The following DNAH17 variants were observed in gnomAD, a reference collection of about 807,000 sequenced individuals.
The protein encoded by DNAH17 is axonemal beta dynein heavy chain 17.
In DNAH17, 376 loss-of-function variants were observed where a neutral mutation model predicts 485.6. The ratio of observed to expected loss-of-function variants is 0.77; its 90% CI spans 0.71 to 0.84. The LOEUF (loss-of-function observed/expected upper bound fraction) is 0.84. DNAH17 is among the 40% of genes least tolerant of loss of function. The pLI is 0.00. For missense variants in DNAH17, 6,370 were observed against 5,839.3 expected (o/e 1.09, Z -2.96); for synonymous variants, 3,031 against 2,405.9 (o/e 1.26, Z -7.60).
intron 26 of DNAH17, among the ~76,000 whole-genome samples, chr17:78,510,864 G>A (rs1348986322): frequency 6.6e-6 from 1 of 152,144 alleles, no homozygotes; most frequent in African/African-American, 2.4e-5. Context: ...ATTTTCCGGT[G>A]AGACATAAAT....
At position 78,429,197 on chromosome 17, in the gene DNAH17, T is replaced by C; in HGVS notation, c.12329A>G (p.Tyr4110Cys). ...TCCCTCCAGCATCTCCGTCCGGATG[T>C]ATTCAGCCAGGTAGGTCCTGCACAG... ...RRLCRTYLAEYIRTEMLEGDV... is the reference protein window; with the variant it reads ...RRLCRTYLAECIRTEMLEGDV... Residue 4110 changes from tyrosine (Y) to cysteine (C), a missense_variant, in exon 76 of 81, where the codon TAC (tyrosine) becomes TGC (cysteine). Tyr to Cys is a radical substitution (Grantham distance 194, BLOSUM62 -2). Coordinates refer to ENST00000389840, the MANE Select transcript of DNAH17 (RefSeq NM_173628.4). The C allele has an allele frequency of 3.1e-6, 5 of 1,613,842 alleles. No individual in the cohort carries two copies. The highest frequency in any genetic ancestry group is 4.2e-6 in the Non-Finnish European group (5 of 1,179,876).
intron 11 of DNAH17, among the ~76,000 whole-genome samples, chr17:78,564,073 G>A (rs1459742196): frequency 3.3e-5 from 5 of 152,126 alleles, no homozygotes; most frequent in East Asian, 1.9e-4. Flanking sequence ...TTTGTTCCTC[G>A]CTAGCTCCAT....
chr17:78,468,773 G>C lies in DNAH17; in HGVS notation c.8622C>G (p.Asp2874Glu), dbSNP rs924937144. Residue 2874 changes from aspartate to glutamate, a missense_variant, in exon 55 of 81, where the codon GAC becomes GAG. Coordinates refer to ENST00000389840, the MANE Select transcript of DNAH17 (RefSeq NM_173628.4). ...CAGGGATCTCTCCTGAGGCCAGCAG[G>C]TCATTGATCAGCACCAGAAACTGCT... Reference protein sequence around the residue: ...AEEQFLVLINDLLASGEIPGL... With the variant: ...AEEQFLVLINELLASGEIPGL... 1 of 1,614,026 alleles carries C rather than the reference G, an allele frequency of 6.2e-7. No homozygotes were observed. Among genetic ancestry groups the C allele is most frequent in the Non-Finnish European group, 8.5e-7 (1 of 1,179,896 alleles).
At position 78,530,523 on chromosome 17, in the gene DNAH17, C is replaced by T. The variant is rs370930253; in HGVS notation, c.3115-11G>A. 15 of 1,593,252 alleles carry T rather than the reference C, an allele frequency of 9.4e-6. No homozygotes were observed. Among genetic ancestry groups the T allele is most frequent in the Middle Eastern group, 1.7e-4 (1 of 6,006 alleles). ...CTCGTAGGAGTCGATCTGGAAAACA[C>T]GGCCACCGGCGGCCTGTCATAGCCT... On this transcript the variant is annotated splice_polypyrimidine_tract_variant and intron_variant, in intron 20 of 80. Coordinates refer to ENST00000389840, the MANE Select transcript of DNAH17 (RefSeq NM_173628.4).
At chr17:78,523,216 C>T (rs757411156) in intron 25 of DNAH17, among the ~76,000 whole-genome samples, 10 of 151,778 alleles carry the variant, frequency 6.6e-5, no homozygotes, top group Non-Finnish European at 1.0e-4. Flanking sequence ...AGTGTGATGG[C>T]GAGATCTTGG....
At chr17:78,465,449 G>A (rs917860328) in intron 56 of DNAH17, among the ~76,000 whole-genome samples, 1 of 145,114 alleles carries the variant, frequency 6.9e-6, no homozygotes, top group Non-Finnish European at 1.5e-5. Flanking sequence ...AGTGAGGAGC[G>A]TCTCCGCCCG....
intron 14 of DNAH17, among the ~76,000 whole-genome samples, chr17:78,555,861 C>T (rs915801668): frequency 6.6e-6 from 1 of 152,212 alleles, no homozygotes; most frequent in Non-Finnish European, 1.5e-5. Context: ...GAATTCACCC[C>T]TTGTTTCTGC....
chr17:78,568,978 G>A (rs1254446052), intron 9 of DNAH17, among the ~76,000 whole-genome samples, 188 bp downstream of exon 9: 2 of 152,076 alleles, frequency 1.3e-5, no homozygotes, highest in Non-Finnish European at 2.9e-5. Context: ...TTTTATTCTT[G>A]GCTAACAGCT....
At position 78,423,815 on chromosome 17, in the gene DNAH17, A is replaced by C. The variant is rs956448686; in HGVS notation, c.*91T>G. On this transcript the variant is annotated 3_prime_UTR_variant, in exon 81 of 81. Coordinates refer to ENST00000389840, the MANE Select transcript of DNAH17 (RefSeq NM_173628.4). ...TTTAAGAGAACGAAAAACCACCACC[A>C]GTTCCTGTAAAGAATAAGTCACAGG... 2.7e-6 allele frequency: 4 copies of C among 1,481,692 alleles called. No homozygotes were observed. The highest frequency in any genetic ancestry group is 1.9e-5 in the Admixed American group (1 of 51,930). 91.8% of individuals were successfully genotyped at this position (1,481,692 alleles called of 1,614,324 possible).
chr17:78,434,345 CA>C, intron 74 of DNAH17, 125 bp from the exon 75 acceptor site: 1 of 865,530 alleles, frequency 1.2e-6, no homozygotes, highest in Non-Finnish European at 1.7e-6. Flanking sequence ...GTGGGGGGTA[CA>C]AAGCTGTGGG....
chr17:78,513,627 G>A (rs1365755780), intron 26 of DNAH17, among the ~76,000 whole-genome samples: 2 of 152,092 alleles, frequency 1.3e-5, no homozygotes, highest in African/African-American at 4.8e-5. Flanking sequence ...GCAGGGATGG[G>A]GTTTCACCAT....
chr17:78,480,801 C>T lies in DNAH17; in HGVS notation c.7650-15G>A, dbSNP rs370949526. On this transcript the variant is annotated splice_polypyrimidine_tract_variant and intron_variant, in intron 48 of 80. Coordinates refer to ENST00000389840, the MANE Select transcript of DNAH17 (RefSeq NM_173628.4). The stretch of plus-strand genomic sequence containing the variant: ...GTCTGTCATACCTGAGGGGGGAAAC[C>T]AGCATTCATGTTGTGCCCCTGGCCT... The T allele has an allele frequency of 9.4e-5, 150 of 1,597,270 alleles. No homozygotes were observed. Among genetic ancestry groups the T allele is most frequent in the Admixed American group, 1.7e-4 (10 of 58,934 alleles).
In DNAH17 at chr17:78,434,219, T is replaced by A; in HGVS notation, c.12035A>T (p.Asp4012Val). 2 of 1,602,708 alleles carry A rather than the reference T, an allele frequency of 1.2e-6. No individual in the cohort carries two copies. Among genetic ancestry groups the A allele is most frequent in the Non-Finnish European group, 1.7e-6 (2 of 1,171,522 alleles). Residue 4012 changes from aspartate (D) to valine (V), a missense_variant and splice_region_variant, in exon 75 of 81, where the codon GAC (aspartate) becomes GTC (valine). By Grantham distance (152) the Asp-to-Val change is radical. Transcript: ENST00000389840. ...LHKALDLFTQDTLEMCTKEME... is the reference protein window; with the variant it reads ...LHKALDLFTQVTLEMCTKEME... ...CTCCTTGGTGCACATCTCCAGGGTG[T>A]CCTGTGGGGCACACGCTCCGGTCAG...
chr17:78,534,169 T>C (rs185568351), intron 19 of DNAH17, among the ~76,000 whole-genome samples: 2 of 152,362 alleles, frequency 1.3e-5, no homozygotes, highest in East Asian at 3.9e-4. Flanking sequence ...GTATTTCCCC[T>C]GCCCTAAATC....
chr17:78,492,513 G>A, intron 42 of DNAH17, 120 bp downstream of exon 42: 4 of 1,400,596 alleles, frequency 2.9e-6, no homozygotes, highest in South Asian at 1.3e-5. Context: ...CAGGCCACGT[G>A]CCTGTGTGCC....
intron 69 of DNAH17, among the ~76,000 whole-genome samples, chr17:78,446,585 C>G (rs993651895): frequency 2.0e-5 from 3 of 152,052 alleles, no homozygotes; most frequent in Non-Finnish European, 4.4e-5. Context: ...GACAGCGGGT[C>G]GTTTTGGCTG....
At chr17:78,552,568 C>T (rs1350640174) in intron 15 of DNAH17, 129 bp downstream of exon 15, 2 of 561,334 alleles carry the variant, frequency 3.6e-6, no homozygotes, top group Admixed American at 5.6e-5. Flanking sequence ...CCTTTAGCCC[C>T]CTTGAAGTTA....
chr17:78,497,087 C>G (rs1483290641), intron 37 of DNAH17: 2 of 152,222 alleles, frequency 1.3e-5, no homozygotes. Context: ...ACTCCCAGCC[C>G]TTTTCTGTCC....
intron 25 of DNAH17, among the ~76,000 whole-genome samples, chr17:78,517,679 T>C (rs1348897847): frequency 6.6e-6 from 1 of 152,212 alleles, no homozygotes; most frequent in Non-Finnish European, 1.5e-5. Context: ...CAAATTCCCA[T>C]TTCCTCAGGG....
Sources: allele counts gnomAD v4.1 joint callset (sites outside exome capture counted in the v4.1 genomes callset), GRCh38; gene constraint gnomAD v4.1.1; transcripts MANE v1.5; gene names NCBI Gene and HGNC (gene_info 2026-07-23, HGNC 2026-07-21).